Variants in LRIT3 observed in about 807,000 individuals in gnomAD.
LRIT3 encodes leucine rich repeat, Ig-like and transmembrane domains 3, also known as leucine-rich repeat, immunoglobulin-like domain and transmembrane domain-containing protein 3.
Under a neutral mutation model 22.6 loss-of-function variants are expected in LRIT3, and 14 were observed. That is an observed-to-expected ratio of 0.62 (90% CI 0.41 to 0.97). LRIT3 has a LOEUF of 0.97. Ranked by LOEUF, LRIT3 falls within the 50% of genes least tolerant of loss-of-function variation. The pLI is 0.00. For missense variants in LRIT3, 783 were observed against 803.0 expected (o/e 0.98, Z 0.30); for synonymous variants, 306 against 304.5 (o/e 1.01, Z -0.05).
chr4:109,852,567 T>C (rs1734299247), intron 2 of LRIT3, among the ~76,000 whole-genome samples: 1 of 152,234 alleles, frequency 6.6e-6, no homozygotes, highest in Non-Finnish European at 1.5e-5. Context: ...GAACTTGGTC[T>C]TGTTTAGGTT....
chr4:109,860,998 G>A (rs1009954699), intron 2 of LRIT3, among the ~76,000 whole-genome samples: 2 of 152,202 alleles, frequency 1.3e-5, no homozygotes, highest in Admixed American at 1.3e-4. Flanking sequence ...TAACATTCTT[G>A]TACAAAGCTT....
chr4:109,855,998 C>T (rs1734392262), intron 2 of LRIT3, among the ~76,000 whole-genome samples: 1 of 152,148 alleles, frequency 6.6e-6, no homozygotes, highest in African/African-American at 2.4e-5. Context: ...ACAGGCACCC[C>T]TCATGCATCC....
At chr4:109,869,018 T>C (rs1003930786) in intron 3 of LRIT3, among the ~76,000 whole-genome samples, 8 of 152,162 alleles carry the variant, frequency 5.3e-5, no homozygotes, top group African/African-American at 1.9e-4. Flanking sequence ...AAAATTCTGA[T>C]TTTTTAAAAA....
chr4:109,870,969 G>A lies in LRIT3; in HGVS notation c.*180G>A. The A allele has an allele frequency of 1.9e-6, 1 of 538,844 alleles. No homozygotes were observed. Among genetic ancestry groups the A allele is most frequent in the South Asian group, 7.6e-5 (1 of 13,080 alleles). The allele number at this position is 538,844 out of a possible 1,614,324, so 33.4% of individuals were successfully genotyped here. On this transcript the variant is annotated 3_prime_UTR_variant, in exon 4 of 4. Coordinates refer to ENST00000594814, the MANE Select transcript of LRIT3 (RefSeq NM_198506.5). The stretch of plus-strand genomic sequence containing the variant: ...CTGAACTGAAAAGACAAATAATGTT[G>A]ATTTTTTTTCTTGTGTGGAAAAGGT...
At chr4:109,861,186 T>G (rs1202567314) in intron 2 of LRIT3, among the ~76,000 whole-genome samples, 1 of 152,200 alleles carries the variant, frequency 6.6e-6, no homozygotes, top group South Asian at 2.1e-4. Context: ...CTGGTCAATG[T>G]GGCGAAACCC....
At position 109,870,368 on chromosome 4, in the gene LRIT3, C is replaced by A; in HGVS notation, c.1619C>A (p.Thr540Asn). 3 of 1,614,148 alleles carry A rather than the reference C, an allele frequency of 1.9e-6. No homozygotes were observed. Among genetic ancestry groups the A allele is most frequent in the Non-Finnish European group, 1.7e-6 (2 of 1,180,024 alleles). Residue 540 changes from threonine to asparagine, a missense_variant, in exon 4 of 4, where the codon ACC (threonine) becomes AAC (asparagine). Thr to Asn is a moderately conservative substitution (Grantham distance 65). Coordinates refer to ENST00000594814, the MANE Select transcript of LRIT3 (RefSeq NM_198506.5). The part of the protein sequence containing the change: ...LNADSSKNQV[T>N]IDGLEPGGQY... Reference sequence around the variant, plus strand: ...GCAGACTCCAGCAAGAACCAAGTAACCATAGATGGCTTGGAACCCGGTGGG... The same window carrying A: ...GCAGACTCCAGCAAGAACCAAGTAAACATAGATGGCTTGGAACCCGGTGGG...
Position 109,870,533 on chromosome 4 carries a change from T to C in LRIT3, c.1784T>C (p.Ile595Thr). 6.2e-7 allele frequency: 1 copy of C among 1,614,250 alleles called. No homozygotes were observed. Among genetic ancestry groups the C allele is most frequent in the Non-Finnish European group, 8.5e-7 (1 of 1,180,048 alleles). The change falls in exon 4 of 4, where the codon ATC becomes ACC. Residue 595 changes from isoleucine to threonine, a missense_variant. This residue lies in a region of LRIT3 where 756 missense variants were observed against 753.8 expected (regional missense o/e 1.00). Coordinates refer to ENST00000594814, the MANE Select transcript of LRIT3 (RefSeq NM_198506.5). ...GTGACCAGTACTGCCTGTGTTGTTATCTTACCATTGATTTGTTTCTTGTTG... is the reference window on the plus strand; with the variant it reads ...GTGACCAGTACTGCCTGTGTTGTTACCTTACCATTGATTTGTTTCTTGTTG... ...LVVTSTACVVILPLICFLLYK... is the reference protein window; with the variant it reads ...LVVTSTACVVTLPLICFLLYK...
chr4:109,866,866 G>A (rs911396406), intron 2 of LRIT3, among the ~76,000 whole-genome samples: 15 of 152,144 alleles, frequency 9.9e-5, no homozygotes, highest in East Asian at 1.9e-4. Flanking sequence ...GAAGCTGTCC[G>A]CTAACCGCAT....
chr4:109,853,090 A>G (rs1490598250), intron 2 of LRIT3, among the ~76,000 whole-genome samples: 1 of 152,238 alleles, frequency 6.6e-6, no homozygotes, highest in African/African-American at 2.4e-5. Context: ...TCCTTTGGGT[A>G]TATACCCAGT....
intron 1 of LRIT3, among the ~76,000 whole-genome samples, chr4:109,849,125 C>A (rs1393797369): frequency 1.3e-5 from 2 of 151,916 alleles, no homozygotes; most frequent in African/African-American, 4.8e-5. Context: ...AAAAGAGTTG[C>A]CCAATTTATG....
chr4:109,852,040 C>CTTTTAAAATTTGTTG, intron 2 of LRIT3, 64 bp downstream of exon 2: 1 of 1,399,274 alleles, frequency 7.1e-7, no homozygotes, highest in Non-Finnish European at 9.5e-7. Context: ...CTTTTTTTGT[C>CTTTTAAAATTTGTTG]CAGTCTTTTA....
intron 2 of LRIT3, among the ~76,000 whole-genome samples, chr4:109,857,949 T>C (rs1734442834): frequency 6.7e-6 from 1 of 149,062 alleles, no homozygotes; most frequent in African/African-American, 2.6e-5. Context: ...ATACCAAGTG[T>C]CCTAAAGGAG....
chr4:109,860,412 G>C (rs1056843019), intron 2 of LRIT3, among the ~76,000 whole-genome samples: 2 of 152,026 alleles, frequency 1.3e-5, no homozygotes, highest in African/African-American at 4.8e-5. Context: ...TTGGTTTGAG[G>C]AAACAAATCC....
At chr4:109,864,963 A>T (rs1013067827) in intron 2 of LRIT3, among the ~76,000 whole-genome samples, 1 of 152,228 alleles carries the variant, frequency 6.6e-6, no homozygotes, top group African/African-American at 2.4e-5. Flanking sequence ...TCCACAGATT[A>T]TCTTTAGCAC....
At chr4:109,855,518 G>T (rs1490318164) in intron 2 of LRIT3, among the ~76,000 whole-genome samples, 2 of 152,134 alleles carry the variant, frequency 1.3e-5, no homozygotes, top group African/African-American at 4.8e-5. Flanking sequence ...ATTTTGAAGG[G>T]TTTTTTCTGT....
intron 2 of LRIT3, among the ~76,000 whole-genome samples, chr4:109,856,505 CA>C (rs1734405724): frequency 6.6e-6 from 1 of 152,144 alleles, no homozygotes; most frequent in African/African-American, 2.4e-5. Context: ...AAAACTTCAT[CA>C]CTGGGTAAAG....
chr4:109,867,741 G>T lies in LRIT3; in HGVS notation c.690G>T (p.Met230Ile). Residue 230 changes from methionine to isoleucine, a missense_variant, in exon 3 of 4, where the codon ATG (methionine) becomes ATT (isoleucine). Met to Ile is a conservative substitution (Grantham distance 10). Around this residue, in one of 2 missense-constraint regions of LRIT3, gnomAD observed 756 missense variants for 753.8 expected, o/e 1.00. Coordinates refer to ENST00000594814, the MANE Select transcript of LRIT3 (RefSeq NM_198506.5). ...DPAIVLLDPL[M>I]TCSEPERLTG... The stretch of plus-strand genomic sequence containing the variant: ...CTATAGTGCTTCTGGATCCACTGAT[G>T]ACTTGCAGTGAACCTGAGCGCCTCA... The T allele has an allele frequency of 6.2e-7, 1 of 1,614,144 alleles. No homozygotes were observed. The highest frequency in any genetic ancestry group is 8.5e-7 in the Non-Finnish European group (1 of 1,179,996).
Position 109,870,063 on chromosome 4 carries a change from C to A in LRIT3, c.1314C>A (p.Asn438Lys), listed in dbSNP as rs886058986. ...TCTCAGCAAGTACCACCATGGCCAA[C>A]AAGCGATCATTCCAGCTCCACCAAG... is the stretch of plus-strand genomic sequence containing the variant. ...TSISASTTMA[N>K]KRSFQLHQGG... Residue 438 changes from asparagine (N) to lysine (K), a missense_variant, in exon 4 of 4, where the codon AAC becomes AAA. This residue lies in a region of LRIT3 where 756 missense variants were observed against 753.8 expected (regional missense o/e 1.00). Transcript: ENST00000594814. The A allele has an allele frequency of 9.9e-6, 16 of 1,614,170 alleles. No homozygotes were observed. The highest frequency in any genetic ancestry group is 1.4e-5 in the Non-Finnish European group (16 of 1,180,040).
At chr4:109,861,032 A>G (rs1365539216) in intron 2 of LRIT3, among the ~76,000 whole-genome samples, 1 of 152,186 alleles carries the variant, frequency 6.6e-6, no homozygotes, top group African/African-American at 2.4e-5. Context: ...TTTTCATTTC[A>G]TTATCTTGGA....
Sources: gnomAD v4.1 joint callset for allele counts (sites outside exome capture counted in the v4.1 genomes callset) on GRCh38, gnomAD v4.1.1 for gene constraint, gnomAD v4.1.1 regional missense constraint, MANE v1.5 for transcripts, NCBI Gene and HGNC (gene_info 2026-07-23, HGNC 2026-07-21) for gene names.